Variants in CTNNA3 observed in about 807,000 individuals in gnomAD.
The protein encoded by CTNNA3 is catenin alpha-3.
In CTNNA3, 76 loss-of-function variants were observed where a neutral mutation model predicts 95.7. That is an observed-to-expected ratio of 0.79 (90% confidence interval 0.66 to 0.96). CTNNA3 has a LOEUF of 0.96. Among genes scored for constraint, CTNNA3 ranks in the 40% least tolerant of loss-of-function variants. CTNNA3 has a pLI of 0.00. For missense variants in CTNNA3, 1,191 were observed against 1,089.8 expected, an observed-to-expected ratio of 1.09 and a Z score of -1.31; for synonymous variants, 431 against 374.4, an observed-to-expected ratio of 1.15 and a Z score of -1.74.
intron 12 of CTNNA3, among the ~76,000 whole-genome samples, chr10:66,284,893 T>C (rs577641108): frequency 6.6e-6 from 1 of 152,036 alleles, no homozygotes; most frequent in South Asian, 2.1e-4. Context: ...GCATTAAGCA[T>C]ATAAATGACT....
At chr10:66,925,856 G>T (rs1467238636) in intron 7 of CTNNA3, 4 of 341,496 alleles carry the variant, frequency 1.2e-5, no homozygotes, top group Non-Finnish European at 2.3e-5. Flanking sequence ...AGAAAATGTT[G>T]CTAGTTATTG....
intron 5 of CTNNA3, among the ~76,000 whole-genome samples, chr10:67,278,105 G>A (rs1839257795): frequency 6.6e-6 from 1 of 152,114 alleles, no homozygotes; most frequent in Admixed American, 6.5e-5. Context: ...GGTCTGGATT[G>A]GGACCCCTTT....
chr10:67,435,888 A>G (rs1454893849), intron 5 of CTNNA3, among the ~76,000 whole-genome samples: 1 of 152,058 alleles, frequency 6.6e-6, no homozygotes, highest in Non-Finnish European at 1.5e-5. Flanking sequence ...TGTGAAAATG[A>G]CCATACTGCC....
chr10:66,128,990 C>T (rs1003348576), intron 13 of CTNNA3, among the ~76,000 whole-genome samples: 5 of 151,778 alleles, frequency 3.3e-5, no homozygotes, highest in Admixed American at 6.6e-5. Context: ...CTTGGCTGGG[C>T]GCAGTGGCTC....
intron 5 of CTNNA3, among the ~76,000 whole-genome samples, chr10:67,422,625 T>G (rs542843556): frequency 8.5e-5 from 13 of 152,264 alleles, no homozygotes; most frequent in Non-Finnish European, 1.5e-4. Context: ...GTTCTCATGA[T>G]AGTGAGTGAG....
chr10:67,587,161 A>G (rs1842652468), intron 3 of CTNNA3, among the ~76,000 whole-genome samples: 1 of 149,670 alleles, frequency 6.7e-6, no homozygotes, highest in Non-Finnish European at 1.5e-5. Context: ...AGTAGCTAGG[A>G]CCAGAGGCAT....
chr10:66,601,209 G>A (rs1843910614), intron 10 of CTNNA3, among the ~76,000 whole-genome samples: 2 of 151,278 alleles, frequency 1.3e-5, no homozygotes, highest in Admixed American at 1.3e-4. Flanking sequence ...ATGCCCAGAA[G>A]GTATCTACAT....
In CTNNA3 at chr10:65,920,222, A is replaced by G; in HGVS notation, c.*108T>C. 2 of 934,872 alleles carry G rather than the reference A, an allele frequency of 2.1e-6. No homozygotes were observed. The highest frequency in any genetic ancestry group is 3.3e-6 in the Non-Finnish European group (2 of 611,588). 57.9% of individuals were successfully genotyped at this position (934,872 alleles called of 1,614,324 possible). On this transcript the variant is annotated 3_prime_UTR_variant, in exon 18 of 18. Coordinates refer to ENST00000433211, the MANE Select transcript of CTNNA3 (RefSeq NM_013266.4). ...CGCCCAATATTTTATGTTATTTGTGAGTTAAACACCAAAACTTAGTGAAAT... is the reference window on the plus strand; with the variant it reads ...CGCCCAATATTTTATGTTATTTGTGGGTTAAACACCAAAACTTAGTGAAAT...
At chr10:65,937,387 C>T (rs10996783) in intron 17 of CTNNA3, among the ~76,000 whole-genome samples, 7,784 of 152,122 alleles carry the variant, frequency 0.051, 370 homozygotes, top group African/African-American at 0.12. Context: ...ATGATTTTGC[C>T]AATCTTATTT....
At chr10:67,135,362 A>G (rs1013670198) in intron 7 of CTNNA3, among the ~76,000 whole-genome samples, 17 of 152,156 alleles carry the variant, frequency 1.1e-4, no homozygotes, top group Non-Finnish European at 2.2e-4. Context: ...AGACCTGACC[A>G]GATATATGCA....
chr10:66,310,099 C>T (rs1374103090), intron 12 of CTNNA3, among the ~76,000 whole-genome samples: 1 of 150,730 alleles, frequency 6.6e-6, no homozygotes, highest in East Asian at 1.9e-4. Flanking sequence ...GCCTGGGCGA[C>T]AGGGTGAGAC....
intron 5 of CTNNA3, among the ~76,000 whole-genome samples, chr10:67,267,680 C>A (rs1207622604): frequency 6.6e-6 from 1 of 151,984 alleles, no homozygotes; most frequent in Non-Finnish European, 1.5e-5. Flanking sequence ...CTTGAAACAT[C>A]AAGAAAAACA....
At chr10:66,247,422 GA>G (rs1371947663) in intron 13 of CTNNA3, among the ~76,000 whole-genome samples, 2 of 152,240 alleles carry the variant, frequency 1.3e-5, no homozygotes, top group African/African-American at 4.8e-5. Context: ...TATAGGATTA[GA>G]AAGTTAATTC....
intron 7 of CTNNA3, among the ~76,000 whole-genome samples, chr10:66,904,304 G>T (rs1369436703): frequency 1.3e-5 from 2 of 152,146 alleles, no homozygotes; most frequent in Non-Finnish European, 2.9e-5. Flanking sequence ...TGGGAAAACT[G>T]GCTAGCCATA....
At position 66,016,510 on chromosome 10, in the gene CTNNA3, CTTTA is replaced by C. The variant is rs531186896; in HGVS notation, c.2160-27717_2160-27714del. Among the ~76,000 whole-genome samples the C allele has an allele frequency of 3.3e-5, 5 of 152,226 alleles. No homozygotes were observed. The East Asian group carries it at 9.7e-4, about 29-fold the overall frequency. ...CTCCATTAAGCACCTGTATTTTAGG[CTTTA>C]TTATTTATTTTTACAGTAATTTTGA... is the stretch of plus-strand genomic sequence containing the variant. On this transcript the variant is annotated intron_variant, in intron 15 of 17. Coordinates refer to ENST00000433211, the MANE Select transcript of CTNNA3 (RefSeq NM_013266.4).
chr10:66,540,821 T>C (rs1393246776), intron 10 of CTNNA3, among the ~76,000 whole-genome samples: 3 of 152,126 alleles, frequency 2.0e-5, no homozygotes, highest in African/African-American at 7.2e-5. Flanking sequence ...TAAGCCTGTA[T>C]CTACCTTTTA....
rs117044537 is a variant in CTNNA3 at position 67,690,210 on chromosome 10, G to A, written c.-6+5790C>T. The stretch of plus-strand genomic sequence containing the variant: ...ACGGCTCTTAAAGGCAGCACGTCTG[G>A]AGTTGTTTGTTCCTCCCAGTGGGTT... On this transcript the variant is annotated intron_variant, in intron 1 of 17. Transcript: ENST00000433211. 0.033 allele frequency among the ~76,000 whole-genome samples: 5,041 copies of A among 152,162 alleles called. 604 individuals carry two copies. The East Asian group carries it at 0.44, about 13-fold the overall frequency.
At chr10:67,155,546 TGTG>T (rs1157292023) in intron 7 of CTNNA3, among the ~76,000 whole-genome samples, 1,317 of 25,946 alleles carry the variant, frequency 0.051, 25 homozygotes, top group African/African-American at 0.32. Context: ...TGTGTGTGTG[TGTG>T]TTGTACATTC....
At chr10:66,394,266 A>T (rs2132538457) in intron 11 of CTNNA3, among the ~76,000 whole-genome samples, 1 of 132,850 alleles carries the variant, frequency 7.5e-6, no homozygotes, top group East Asian at 3.3e-4. Context: ...AGACATCACC[A>T]GGAAGGTGGC....
Sources: gnomAD v4.1 joint callset for allele counts (sites outside exome capture counted in the v4.1 genomes callset) on GRCh38, gnomAD v4.1.1 for gene constraint, MANE v1.5 for transcripts, NCBI Gene and HGNC (gene_info 2026-07-23, HGNC 2026-07-21) for gene names.